SGCZ: variants seen among roughly 807,000 people sequenced by gnomAD.
The protein encoded by SGCZ is zeta-sarcoglycan.
SGCZ carries 40 observed loss-of-function variants against 41.3 expected under a neutral mutation model. The ratio of observed to expected loss-of-function variants is 0.97; its 90% confidence interval spans 0.75 to 1.26. The LOEUF (loss-of-function observed/expected upper bound fraction) is 1.26, where lower values mean the gene tolerates loss of function less well. Among genes scored for constraint, SGCZ ranks in the 50% most tolerant of loss-of-function variants. The pLI, the probability that SGCZ is intolerant of heterozygous loss-of-function variation, is 0.00. For missense variants in SGCZ, 552 were observed against 369.8 expected (o/e 1.49, Z -4.04); for synonymous variants, 206 against 137.5 (o/e 1.50, Z -3.49).
At chr8:14,925,847 G>C (rs1799730268) in intron 1 of SGCZ, among the ~76,000 whole-genome samples, 1 of 145,928 alleles carries the variant, frequency 6.9e-6, no homozygotes, top group Non-Finnish European at 1.5e-5. Flanking sequence ...GATAAGAAGG[G>C]ATACCTTGGG....
intron 1 of SGCZ, among the ~76,000 whole-genome samples, chr8:14,759,045 A>G (rs1342882482): frequency 1.3e-5 from 2 of 151,932 alleles, no homozygotes; most frequent in East Asian, 1.9e-4. Context: ...GTCAAATTCC[A>G]AGTAATATTT....
intron 3 of SGCZ, among the ~76,000 whole-genome samples, chr8:14,253,363 T>C (rs911181186): frequency 2.0e-5 from 3 of 152,022 alleles, no homozygotes; most frequent in Non-Finnish European, 4.4e-5. Context: ...AATATATTAT[T>C]ATAAGATAAA....
intron 1 of SGCZ, among the ~76,000 whole-genome samples, chr8:14,797,927 A>C (rs556959480): frequency 2.0e-5 from 3 of 152,338 alleles, no homozygotes; most frequent in East Asian, 3.9e-4. Flanking sequence ...AGGTACACAG[A>C]AGTCAAGAAC....
chr8:14,663,003 A>T (rs961868640), intron 1 of SGCZ, among the ~76,000 whole-genome samples: 3 of 152,296 alleles, frequency 2.0e-5, no homozygotes, highest in Non-Finnish European at 4.4e-5. Context: ...TGCCAAAAAC[A>T]CAAATAAACA....
intron 1 of SGCZ, among the ~76,000 whole-genome samples, chr8:14,794,499 T>C (rs1402575132): frequency 6.6e-6 from 1 of 152,118 alleles, no homozygotes; most frequent in Non-Finnish European, 1.5e-5. Context: ...ATTCCCAGAA[T>C]GTACAACAAA....
At chr8:14,887,352 A>G (rs1804848344) in intron 1 of SGCZ, among the ~76,000 whole-genome samples, 1 of 152,210 alleles carries the variant, frequency 6.6e-6, no homozygotes, top group African/African-American at 2.4e-5. Flanking sequence ...TGATTCATAC[A>G]TATAAATTAT....
intron 1 of SGCZ, among the ~76,000 whole-genome samples, chr8:14,866,943 TTTTG>T (rs1169675014): frequency 2.0e-5 from 3 of 152,140 alleles, no homozygotes; most frequent in Admixed American, 6.6e-5. Context: ...GAGCACGCTG[TTTTG>T]TTTGTTTGTT....
intron 1 of SGCZ, among the ~76,000 whole-genome samples, chr8:15,170,823 A>C (rs1302141039): frequency 1.3e-5 from 2 of 152,256 alleles, no homozygotes; most frequent in African/African-American, 2.4e-5. Flanking sequence ...GATATGGACT[A>C]TATAAAATGA....
intron 1 of SGCZ, among the ~76,000 whole-genome samples, chr8:14,708,181 G>A (rs923333577): frequency 1.3e-5 from 2 of 151,174 alleles, no homozygotes; most frequent in Admixed American, 6.6e-5. Flanking sequence ...ATTCGATTTT[G>A]TCTACAATAA....
chr8:14,114,885 G>C (rs184046322), intron 5 of SGCZ, among the ~76,000 whole-genome samples: 40 of 151,766 alleles, frequency 2.6e-4, no homozygotes, highest in Admixed American at 9.2e-4. Flanking sequence ...ATTCCTTTTA[G>C]TCAACAATAA....
chr8:14,443,470 T>C (rs1052263667), intron 2 of SGCZ, among the ~76,000 whole-genome samples: 30 of 151,880 alleles, frequency 2.0e-4, no homozygotes, highest in Non-Finnish European at 2.6e-4. Context: ...GAGATATAGA[T>C]CAATGGAACA....
chr8:14,940,396 A>T (rs1297881474), intron 1 of SGCZ, among the ~76,000 whole-genome samples: 27 of 152,156 alleles, frequency 1.8e-4, no homozygotes. Context: ...TTACTTATAT[A>T]AGTTTATTGA....
chr8:14,202,678 C>A (rs574689657), intron 4 of SGCZ, among the ~76,000 whole-genome samples: 10 of 152,072 alleles, frequency 6.6e-5, no homozygotes, highest in Admixed American at 3.3e-4. Flanking sequence ...ATTTAAAGAT[C>A]CCTTGGTAAT....
chr8:14,397,904 C>T (rs769333789), intron 2 of SGCZ, among the ~76,000 whole-genome samples: 52 of 152,124 alleles, frequency 3.4e-4, no homozygotes, highest in Non-Finnish European at 4.6e-4. Context: ...CAACCTTGCC[C>T]TGCATTTCAC....
intron 4 of SGCZ, among the ~76,000 whole-genome samples, chr8:14,237,128 T>C (rs1806790953): frequency 6.6e-6 from 1 of 152,194 alleles, no homozygotes; most frequent in Admixed American, 6.5e-5. Context: ...TAAGTTTATT[T>C]ATTATAATTT....
intron 2 of SGCZ, among the ~76,000 whole-genome samples, chr8:14,453,993 A>C (rs76695561): frequency 0.033 from 3,918 of 117,536 alleles, 52 homozygotes; most frequent in South Asian, 0.073. Flanking sequence ...CAGTGACACA[A>C]AAAAAAAATA....
At chr8:14,211,522 T>C (rs1303413493) in intron 4 of SGCZ, among the ~76,000 whole-genome samples, 1 of 152,098 alleles carries the variant, frequency 6.6e-6, no homozygotes, top group East Asian at 1.9e-4. Flanking sequence ...GGGTAATTTA[T>C]GAAGAAAAGC....
intron 5 of SGCZ, among the ~76,000 whole-genome samples, chr8:14,161,620 A>G (rs1804048331): frequency 6.6e-6 from 1 of 152,182 alleles, no homozygotes; most frequent in Admixed American, 6.6e-5. Context: ...TTTCATTCTA[A>G]GTATTATGTT....
chr8:15,185,560 A>C (rs1273945772), intron 1 of SGCZ, among the ~76,000 whole-genome samples: 5 of 152,182 alleles, frequency 3.3e-5, no homozygotes, highest in Admixed American at 3.3e-4. Flanking sequence ...ATATCTGTCT[A>C]GTCATGCATG....
Sources: allele counts gnomAD v4.1 joint callset (sites outside exome capture counted in the v4.1 genomes callset), GRCh38; gene constraint gnomAD v4.1.1; transcripts MANE v1.5; gene names NCBI Gene and HGNC (gene_info 2026-07-23, HGNC 2026-07-21).